The following GRK7 variants were observed in gnomAD, a reference collection of about 807,000 sequenced individuals.
The protein encoded by GRK7 is G protein-coupled receptor kinase 7.
A neutral mutation model predicts 34.1 loss-of-function variants in GRK7; 24 were observed. That is an observed-to-expected ratio of 0.70 (90% CI 0.51 to 0.99). The LOEUF is 0.99. Among genes scored for constraint, GRK7 ranks in the 50% least tolerant of loss-of-function variants. The pLI is 0.00. For missense variants in GRK7, 644 were observed against 707.3 expected, an observed-to-expected ratio of 0.91 and a Z score of 1.02; for synonymous variants, 256 against 279.4, an observed-to-expected ratio of 0.92 and a Z score of 0.84.
chr3:141,755,236 C>T, the GRK7 span, among the ~76,000 whole-genome samples: 1 of 152,142 alleles, frequency 6.6e-6, no homozygotes, highest in Non-Finnish European at 1.5e-5. Flanking sequence ...GGTGTGGTGG[C>T]TTACACCTAT....
At position 141,807,757 on chromosome 3, in the gene GRK7, G is replaced by A. The variant is rs199515525; in HGVS notation, c.1163G>A (p.Arg388Gln). 110 of 1,613,942 alleles carry A rather than the reference G, an allele frequency of 6.8e-5. No individual in the cohort carries two copies. The highest frequency in any genetic ancestry group is 8.6e-5 in the Non-Finnish European group (101 of 1,179,920). The change falls in exon 5 of 6, where the codon CGA becomes CAA. Residue 388 changes from arginine to glutamine, a missense_variant. By Grantham distance (43) the Arg-to-Gln change is conservative. Coordinates refer to ENST00000682958, the MANE Select transcript of GRK7 (RefSeq NM_139209.3). Reference protein sequence around the residue: ...GCSIYEMVAGRTPFKDYKEKV... With the variant: ...GCSIYEMVAGQTPFKDYKEKV... The stretch of plus-strand genomic sequence containing the variant: ...AGCATTTATGAAATGGTTGCTGGAC[G>A]AACACCATTCAAAGATTACAAGGAA...
chr3:141,807,912 G>A lies in GRK7; in HGVS notation c.1318G>A (p.Gly440Arg), dbSNP rs1156392455. ...GGCTAAGAAACCAGAGCAACGCTTA[G>A]GAAGCAGGTAAACTAGCATGTAACA... ...FLAKKPEQRL[G>R]SREKSDDPRK... Residue 440 changes from glycine (G) to arginine (R), a missense_variant, in exon 5 of 6, where the codon GGA becomes AGA. Coordinates refer to ENST00000682958, the MANE Select transcript of GRK7 (RefSeq NM_139209.3). The A allele has an allele frequency of 6.3e-7, 1 of 1,582,760 alleles. No homozygotes were observed. Among genetic ancestry groups the A allele is most frequent in the African/African-American group, 1.4e-5 (1 of 74,058 alleles).
chr3:141,766,806 G>A (rs1433639214), intron 1 of GRK7, among the ~76,000 whole-genome samples: 6 of 152,056 alleles, frequency 3.9e-5, no homozygotes, highest in Non-Finnish European at 5.9e-5. Context: ...ATAAAATCTC[G>A]TACTTTCCAG....
At chr3:141,784,958 C>G (rs2107881058) in intron 4 of GRK7, among the ~76,000 whole-genome samples, 1 of 152,312 alleles carries the variant, frequency 6.6e-6, no homozygotes, top group East Asian at 1.9e-4. Flanking sequence ...ACGCGATGCC[C>G]TGAGCCATCT....
rs1184412840 is a variant in GRK7, at chr3:141,764,314, G to C, written c.-1639G>C. 6.6e-6 allele frequency among the ~76,000 whole-genome samples: 1 copy of C among 152,140 alleles called. No homozygotes were observed. Among genetic ancestry groups the C allele is most frequent in the Non-Finnish European group, 1.5e-5 (1 of 68,024 alleles). On this transcript the variant is annotated 5_prime_UTR_variant, in exon 1 of 6. Transcript: ENST00000682958. ...TCCTCAAGAGTAGCTTACACTAGCT[G>C]CCTCCAATTCATTGATTCTCTGTTG...
chr3:141,814,217 C>T (rs551923475), intron 5 of GRK7, among the ~76,000 whole-genome samples: 87 of 72,044 alleles, frequency 1.2e-3, no homozygotes, highest in Middle Eastern at 7.5e-3. Flanking sequence ...AAAAGGAAGA[C>T]ATTTCTTTAA....
At chr3:141,796,473 T>C (rs1710881032) in intron 4 of GRK7, among the ~76,000 whole-genome samples, 1 of 152,232 alleles carries the variant, frequency 6.6e-6, no homozygotes, top group African/African-American at 2.4e-5. Context: ...TGCAATTGTT[T>C]CTGCCTCACC....
At chr3:141,795,222 G>A (rs886551691) in intron 4 of GRK7, among the ~76,000 whole-genome samples, 3 of 152,180 alleles carry the variant, frequency 2.0e-5, no homozygotes, top group African/African-American at 4.8e-5. Flanking sequence ...CCTCAATGGC[G>A]GGTGATTGTG....
rs947625560 is a variant in GRK7, at chr3:141,765,529, A to G, written c.-424A>G. ...GCTTGTGACCAGTAGAATGTGGCAG[A>G]AGTTAACGGTGTATCAGCTCCAGAG... On this transcript the variant is annotated 5_prime_UTR_variant, in exon 1 of 6. Coordinates refer to ENST00000682958, the MANE Select transcript of GRK7 (RefSeq NM_139209.3). 2.0e-5 allele frequency among the ~76,000 whole-genome samples: 3 copies of G among 152,138 alleles called. No individual in the cohort carries two copies. The highest frequency in any genetic ancestry group is 6.5e-5 in the Admixed American group (1 of 15,270).
At chr3:141,807,610 C>A in intron 4 of GRK7, 35 bp from the exon 5 acceptor site, 1 of 1,591,208 alleles carries the variant, frequency 6.3e-7, no homozygotes, top group Middle Eastern at 1.7e-4. Context: ...TGTCTTTGTT[C>A]TGTGTTGTCT....
intron 2 of GRK7, among the ~76,000 whole-genome samples, 108 bp downstream of exon 2, chr3:141,774,788 T>C (rs2084631499): frequency 4.5e-5 from 1 of 22,014 alleles, no homozygotes; most frequent in African/African-American, 5.7e-4. Flanking sequence ...AGATTATTAT[T>C]ATTATTATTA....
Sources: allele counts gnomAD v4.1 joint callset (sites outside exome capture counted in the v4.1 genomes callset), GRCh38; gene constraint gnomAD v4.1.1; transcripts MANE v1.5; gene names NCBI Gene and HGNC (gene_info 2026-07-23, HGNC 2026-07-21).